Variants in CUL4B observed in about 807,000 individuals in gnomAD.
CUL4B encodes the protein cullin-4B.
CUL4B carries 1 observed loss-of-function variant against 69.2 expected under a neutral mutation model. The observed-to-expected ratio is 0.01, with a 90% CI of 0.01 to 0.07. CUL4B has a LOEUF of 0.07. CUL4B is among the 10% of genes least tolerant of loss of function. The pLI is 1.00. For synonymous variants in CUL4B, 237 were observed against 223.2 expected, an observed-to-expected ratio of 1.06 and a Z score of -0.55; for missense variants, 328 against 638.8, an observed-to-expected ratio of 0.51 and a Z score of 5.24.
intron 2 of CUL4B, among the ~76,000 whole-genome samples, chrX:120,549,995 A>G (rs1924595202): frequency 9.0e-6 from 1 of 111,654 alleles, no homozygotes. Context: ...TCCCTTCTCA[A>G]ATAAAACAGT....
rs1205299102 is a variant in CUL4B, at chrX:120,524,102, C to G, written c.*2659G>C. Among the ~76,000 whole-genome samples, 1 of 111,259 alleles carries G rather than the reference C, an allele frequency of 9.0e-6. No individual in the cohort carries two copies. Among genetic ancestry groups the G allele is most frequent in the Non-Finnish European group, 1.9e-5 (1 of 52,984 alleles). ...TTTCTGAACTGTACACTCACATACA[C>G]AGCAAAAATTTCAAGAGTATGGCTA... On this transcript the variant is annotated 3_prime_UTR_variant, in exon 20 of 20. Transcript: ENST00000371322.
chrX:120,566,406 T>G (rs1346120389), upstream of CUL4B, among the ~76,000 whole-genome samples: 2 of 91,174 alleles, frequency 2.2e-5, no homozygotes, highest in African/African-American at 4.0e-5. Flanking sequence ...TATATTTGGG[T>G]TTTTTTTTGA....
intron 2 of CUL4B, among the ~76,000 whole-genome samples, chrX:120,553,652 C>A (rs930152301): frequency 4.5e-5 from 5 of 111,035 alleles, no homozygotes; most frequent in Non-Finnish European, 7.5e-5. Flanking sequence ...GCCTGTAAGC[C>A]TGGCACTTTG....
chrX:120,527,144 C>T (rs1203019277), intron 19 of CUL4B, among the ~76,000 whole-genome samples: 2 of 109,203 alleles, frequency 1.8e-5, no homozygotes, highest in African/African-American at 6.7e-5. Flanking sequence ...ACTGCAACCT[C>T]CACCTCCTGG....
intron 12 of CUL4B, among the ~76,000 whole-genome samples, 186 bp from the exon 13 acceptor site, chrX:120,538,956 T>C: frequency 8.9e-6 from 1 of 112,241 alleles, no homozygotes; most frequent in Non-Finnish European, 1.9e-5. Context: ...AAGTCTTTAT[T>C]GTAAAACTTT....
At chrX:120,555,740 G>A (rs1159100088) in intron 2 of CUL4B, among the ~76,000 whole-genome samples, 1 of 109,328 alleles carries the variant, frequency 9.1e-6, no homozygotes, top group Non-Finnish European at 1.9e-5. Flanking sequence ...TCAGGAGTTC[G>A]AGATCAGCCC....
chrX:120,548,608 TG>T (rs1924483470), intron 2 of CUL4B, among the ~76,000 whole-genome samples: 1 of 110,321 alleles, frequency 9.1e-6, no homozygotes, highest in South Asian at 3.8e-4. Flanking sequence ...CTGAGGCGGG[TG>T]GATCACTTGA....
At chrX:120,561,554 GGGT>G (rs1312460558), upstream of CUL4B, 2 of 315,751 alleles carry the variant, frequency 6.3e-6, no homozygotes, top group African/African-American at 6.1e-5. Context: ...GAAGGCGAGG[GGGT>G]GGGGGGGGTG....
Position 120,542,843 on chromosome X carries a change from T to C in CUL4B, c.1324+123A>G. The C allele has an allele frequency of 7.9e-6, 4 of 507,985 alleles. No homozygotes were observed. The South Asian group carries it at 1.2e-4, about 15-fold the overall frequency. 41.9% of individuals were successfully genotyped at this position (507,985 alleles called of 1,213,427 possible). On this transcript the variant is annotated intron_variant, in intron 9 of 19. Transcript: ENST00000371322. ...TTTACTGTGATTAATAAGGATTGTG[T>C]CCATCCTCAGAAATGCAGCCACATG...
At position 120,574,505 on chromosome X, in the gene CUL4B, A is replaced by G. The variant is rs376931943; in HGVS notation, c.67+46T>C. ...GAGCCACCGCGCCCGGCCTGTTAAC[A>G]ATTATTTAGACTTAACTCTTGAGTT... On this transcript the variant is annotated intron_variant, in intron 2 of 2. Transcript: ENST00000486604. The G allele has an allele frequency of 3.5e-5, 39 of 1,100,777 alleles. No homozygotes were observed. In the African/African-American group the frequency reaches 6.5e-4, roughly 18 times the overall value. The allele number at this position is 1,100,777 out of a possible 1,213,427, so 90.7% of individuals were successfully genotyped here.
downstream of CUL4B, among the ~76,000 whole-genome samples, chrX:120,567,687 T>C (rs1925596981): frequency 1.0e-5 from 1 of 100,282 alleles, no homozygotes; most frequent in South Asian, 4.9e-4. Context: ...AAGACCAGCC[T>C]GGTCAACAAA....
chrX:120,557,780 TTA>T, intron 2 of CUL4B, 142 bp downstream of exon 2: 2 of 433,500 alleles, frequency 4.6e-6, no homozygotes, highest in Admixed American at 7.7e-5. Flanking sequence ...CGTGGTCTAA[TTA>T]TAGAGTTCAT....
chrX:120,554,001 G>A (rs937925160), intron 2 of CUL4B, among the ~76,000 whole-genome samples: 1 of 111,324 alleles, frequency 9.0e-6, no homozygotes, highest in Non-Finnish European at 1.9e-5. Flanking sequence ...GGTGTCTACT[G>A]AAGCACATTT....
rs973031391 is a variant in CUL4B, at chrX:120,560,948, C to A, written c.-310G>T. 3 of 750,402 alleles carry A rather than the reference C, an allele frequency of 4.0e-6. No homozygotes were observed. In the African/African-American group the frequency reaches 7.1e-5, roughly 18 times the overall value. The allele number at this position is 750,402 out of a possible 1,213,427, so 61.8% of individuals were successfully genotyped here. On this transcript the variant is annotated 5_prime_UTR_variant, in exon 1 of 20. Coordinates refer to ENST00000371322, the MANE Select transcript of CUL4B (RefSeq NM_001079872.2). ...CTCTCTCCCCCCCTTTCTGCAGGAGCGACTCAGCGAGTCTGTGAGGCTGCA... is the reference window on the plus strand; with the variant it reads ...CTCTCTCCCCCCCTTTCTGCAGGAGAGACTCAGCGAGTCTGTGAGGCTGCA...
intron 17 of CUL4B, 139 bp from the exon 18 acceptor site, chrX:120,532,733 T>C: frequency 1.8e-6 from 1 of 560,958 alleles, no homozygotes; most frequent in South Asian, 2.6e-5. Flanking sequence ...TTTTCTTTGT[T>C]CTAGCCAATG....
At chrX:120,543,081 G>A (rs1924098281) in intron 8 of CUL4B, 48 bp from the exon 9 acceptor site, 1 of 880,704 alleles carries the variant, frequency 1.1e-6, no homozygotes, top group African/African-American at 2.0e-5. Context: ...TTGACTTCCA[G>A]AAAATGTAAA....
upstream of CUL4B, chrX:120,561,142 T>C: frequency 4.3e-6 from 4 of 939,709 alleles, no homozygotes; most frequent in Non-Finnish European, 1.4e-6. Context: ...CCTCAGGGAG[T>C]GGGGGTGAGG....
chrX:120,564,496 C>T (rs2041988048), upstream of CUL4B, among the ~76,000 whole-genome samples: 2 of 111,331 alleles, frequency 1.8e-5, no homozygotes, highest in East Asian at 5.6e-4. Context: ...ATCCCAACTA[C>T]TCGGGAGGAT....
chrX:120,556,600 G>C, intron 2 of CUL4B, among the ~76,000 whole-genome samples: 1 of 110,227 alleles, frequency 9.1e-6, no homozygotes, highest in South Asian at 3.9e-4. Flanking sequence ...AGCACCTTGG[G>C]AGGTTGAGGT....
Sources: allele counts gnomAD v4.1 joint callset (sites outside exome capture counted in the v4.1 genomes callset), GRCh38; gene constraint gnomAD v4.1.1; transcripts MANE v1.5; gene names NCBI Gene and HGNC (gene_info 2026-07-23, HGNC 2026-07-21).